The following DEPDC1B variants were observed in gnomAD, a reference collection of about 807,000 sequenced individuals.
The protein encoded by DEPDC1B is DEP domain containing 1B, also known as DEP domain-containing protein 1B.
DEPDC1B carries 51 observed loss-of-function variants against 66.5 expected under a neutral mutation model. That is an observed-to-expected ratio of 0.77 (90% confidence interval 0.61 to 0.97). The LOEUF (loss-of-function observed/expected upper bound fraction) is 0.97, where lower values mean the gene tolerates loss of function less well. Among genes scored for constraint, DEPDC1B ranks in the 50% least tolerant of loss-of-function variants. The pLI is 0.00. For missense variants in DEPDC1B, 552 were observed against 637.1 expected (o/e 0.87, Z 1.44); for synonymous variants, 226 against 223.6 (o/e 1.01, Z -0.10).
chr5:60,624,800 C>T (rs1408934240), intron 7 of DEPDC1B, among the ~76,000 whole-genome samples: 1 of 152,066 alleles, frequency 6.6e-6, no homozygotes, highest in Non-Finnish European at 1.5e-5. Flanking sequence ...TATACATGTG[C>T]CATGGTGGTT....
intron 7 of DEPDC1B, among the ~76,000 whole-genome samples, chr5:60,615,763 A>C (rs560411433): frequency 6.6e-6 from 1 of 152,322 alleles, no homozygotes; most frequent in African/African-American, 2.4e-5. Context: ...GCAGACTTAA[A>C]TGTCACTGTC....
chr5:60,699,101 T>C (rs1341676146), intron 1 of DEPDC1B, among the ~76,000 whole-genome samples: 1 of 152,164 alleles, frequency 6.6e-6, no homozygotes, highest in Non-Finnish European at 1.5e-5. Flanking sequence ...ACTGGTATAG[T>C]GTGTGGCTGG....
chr5:60,655,272 G>A (rs1479385444), intron 2 of DEPDC1B, among the ~76,000 whole-genome samples: 1 of 148,294 alleles, frequency 6.7e-6, no homozygotes, highest in Non-Finnish European at 1.5e-5. Flanking sequence ...TATTGTTGCT[G>A]GCTATTTTTT....
chr5:60,654,371 T>C (rs1753529038), intron 2 of DEPDC1B, among the ~76,000 whole-genome samples: 1 of 148,160 alleles, frequency 6.7e-6, no homozygotes, highest in South Asian at 2.2e-4. Context: ...TTTTTCTTTT[T>C]TTTTGGTGGG....
intron 2 of DEPDC1B, among the ~76,000 whole-genome samples, chr5:60,667,428 CATAT>C (rs1561383543): frequency 1.1e-4 from 15 of 142,252 alleles, no homozygotes; most frequent in Non-Finnish European, 1.5e-4. Context: ...GGATATTTTA[CATAT>C]ATACAAAAAA....
chr5:60,661,865 G>T (rs1423285776), intron 2 of DEPDC1B, among the ~76,000 whole-genome samples: 1 of 152,136 alleles, frequency 6.6e-6, no homozygotes, highest in Admixed American at 6.5e-5. Context: ...GATTGGTGCT[G>T]CAGACATTTA....
chr5:60,647,391 C>T lies in DEPDC1B; in HGVS notation c.450+7G>A, dbSNP rs1753343576. 2 of 1,596,646 alleles carry T rather than the reference C, an allele frequency of 1.3e-6. No individual in the cohort carries two copies. The highest frequency in any genetic ancestry group is 1.7e-6 in the Non-Finnish European group (2 of 1,174,068). ...CAGCCCTTCCATCTTTCAGTCATGGCACTTACCATCACAACTGGCCTCACT... is the reference window on the plus strand; with the variant it reads ...CAGCCCTTCCATCTTTCAGTCATGGTACTTACCATCACAACTGGCCTCACT... On this transcript the variant is annotated splice_region_variant and intron_variant, in intron 3 of 10. Transcript: ENST00000265036.
chr5:60,605,865 GAA>G lies in DEPDC1B; in HGVS notation c.899-11_899-10del, dbSNP rs56979760. 2.3e-6 allele frequency: 3 copies of G among 1,281,026 alleles called. No homozygotes were observed. Among genetic ancestry groups the G allele is most frequent in the Non-Finnish European group, 1.1e-6 (1 of 949,162 alleles). 79.4% of individuals were successfully genotyped at this position (1,281,026 alleles called of 1,614,324 possible). On this transcript the variant is annotated splice_polypyrimidine_tract_variant and intron_variant, in intron 7 of 10. Transcript: ENST00000265036. Reference sequence around the variant, plus strand: ...CTCCTTCTGTAACAAACCTGATTTAGAAAAAAAAAAATGTTATCTTTCAACAC... The same window carrying G: ...CTCCTTCTGTAACAAACCTGATTTAGAAAAAAAAATGTTATCTTTCAACAC...
intron 7 of DEPDC1B, among the ~76,000 whole-genome samples, chr5:60,612,558 G>C (rs1752437634): frequency 7.1e-6 from 1 of 140,300 alleles, no homozygotes; most frequent in Non-Finnish European, 1.5e-5. Flanking sequence ...AGAATAGTAA[G>C]TAATAGTAAG....
chr5:60,650,828 G>A (rs759244778), intron 2 of DEPDC1B, among the ~76,000 whole-genome samples: 2 of 152,162 alleles, frequency 1.3e-5, no homozygotes, highest in Admixed American at 6.5e-5. Flanking sequence ...TGTATCAAGA[G>A]GCAGAATGTC....
chr5:60,665,126 T>G (rs1340011787), intron 2 of DEPDC1B, among the ~76,000 whole-genome samples: 1 of 152,162 alleles, frequency 6.6e-6, no homozygotes, highest in Non-Finnish European at 1.5e-5. Context: ...ACCCCAGTAC[T>G]CAGCAGAAGA....
intron 6 of DEPDC1B, among the ~76,000 whole-genome samples, chr5:60,640,499 T>G (rs955768835): frequency 2.0e-5 from 3 of 152,192 alleles, no homozygotes; most frequent in African/African-American, 7.2e-5. Flanking sequence ...ATTTAAAAAT[T>G]TTTTTTATAA....
chr5:60,604,429 C>G (rs2111713323), intron 8 of DEPDC1B, among the ~76,000 whole-genome samples: 1 of 151,866 alleles, frequency 6.6e-6, no homozygotes, highest in South Asian at 2.1e-4. Flanking sequence ...CCATGTTGGT[C>G]AGGCTGGTCT....
At position 60,597,642 on chromosome 5, in the gene DEPDC1B, T is replaced by G. The variant is rs1752122292; in HGVS notation, c.*111A>C. On this transcript the variant is annotated 3_prime_UTR_variant, in exon 11 of 11. Transcript: ENST00000265036. ...AAGGCAATCTTTATCTATATTTCAGTAGTCTTTGTTTTATGCTTTTCTTTC... is the reference window on the plus strand; with the variant it reads ...AAGGCAATCTTTATCTATATTTCAGGAGTCTTTGTTTTATGCTTTTCTTTC... The G allele has an allele frequency of 8.5e-7, 1 of 1,172,846 alleles. No homozygotes were observed. The highest frequency in any genetic ancestry group is 2.6e-5 in the Admixed American group (1 of 38,176). 72.7% of individuals were successfully genotyped at this position (1,172,846 alleles called of 1,614,324 possible). A position where few individuals can be genotyped will look rare whatever the true frequency, so the allele number is the denominator to read the frequency against.
chr5:60,629,316 G>GT lies in DEPDC1B; in HGVS notation c.898+9433dup, dbSNP rs531108595. On this transcript the variant is annotated intron_variant, in intron 7 of 10. Transcript: ENST00000265036. ...TGTGTCAAGAAATGTAGGATTTCAC[G>GT]TATCTCTTCAATATACTGATTTCAT... Among the ~76,000 whole-genome samples the GT allele has an allele frequency of 2.2e-3, 331 of 152,266 alleles. 2 individuals carry two copies. Among genetic ancestry groups the GT allele is most frequent in the African/African-American group, 7.7e-3 (319 of 41,550 alleles).
Position 60,603,422 on chromosome 5 carries a change from T to G in DEPDC1B, c.1211A>C (p.Glu404Ala). The stretch of plus-strand genomic sequence containing the variant: ...TCTTCGTAGATGAGCCACACGCTCC[T>G]CTATAGAGGTCTGCAAGGCCAAAGG... ...KVPLALQTSIEERVAHLRRVQ... is the reference protein window; with the variant it reads ...KVPLALQTSIAERVAHLRRVQ... The change falls in exon 9 of 11, where the codon GAG (glutamate) becomes GCG (alanine). Residue 404 changes from glutamate (E) to alanine (A), a missense_variant. Glu to Ala is a moderately radical substitution (Grantham distance 107). Transcript: ENST00000265036. 6.2e-7 allele frequency: 1 copy of G among 1,604,490 alleles called. No individual in the cohort carries two copies. Among genetic ancestry groups the G allele is most frequent in the Non-Finnish European group, 8.5e-7 (1 of 1,176,914 alleles).
chr5:60,685,740 T>C (rs2112028772), intron 2 of DEPDC1B, among the ~76,000 whole-genome samples: 1 of 152,306 alleles, frequency 6.6e-6, no homozygotes, highest in East Asian at 1.9e-4. Context: ...AATTAAAGTT[T>C]CCCAAGAGAA....
intron 2 of DEPDC1B, among the ~76,000 whole-genome samples, chr5:60,676,980 A>G (rs1584094589): frequency 6.6e-6 from 1 of 152,206 alleles, no homozygotes; most frequent in Non-Finnish European, 1.5e-5. Context: ...AGAAGTTAAT[A>G]ATGTTAAGTG....
At chr5:60,686,917 C>A in intron 2 of DEPDC1B, 45 bp downstream of exon 2, 1 of 1,602,958 alleles carries the variant, frequency 6.2e-7, no homozygotes, top group South Asian at 1.1e-5. Flanking sequence ...CAGATTCACT[C>A]ATCTCCCCAA....
Sources: allele counts gnomAD v4.1 joint callset (sites outside exome capture counted in the v4.1 genomes callset), GRCh38; gene constraint gnomAD v4.1.1; transcripts MANE v1.5; gene names NCBI Gene and HGNC (gene_info 2026-07-23, HGNC 2026-07-21).